PLCL1: variants seen among roughly 807,000 people sequenced by gnomAD.
The protein encoded by PLCL1 is phospholipase C like 1 (inactive), also known as inactive phospholipase C-like protein 1.
PLCL1 carries 41 observed loss-of-function variants against 84.4 expected under a neutral mutation model. The ratio of observed to expected loss-of-function variants is 0.49; its 90% confidence interval spans 0.38 to 0.63. The LOEUF (loss-of-function observed/expected upper bound fraction) is 0.63. Among genes scored for constraint, PLCL1 ranks in the 30% least tolerant of loss-of-function variants. The probability of loss-of-function intolerance (pLI) is 0.00; values close to 1 mark genes in which losing one functional copy is unlikely to be tolerated. For synonymous variants in PLCL1, 490 were observed against 488.3 expected, an observed-to-expected ratio of 1.00 and a Z score of -0.05; for missense variants, 1,206 against 1,367.8, an observed-to-expected ratio of 0.88 and a Z score of 1.87.
chr2:197,897,146 T>C (rs1031994091), intron 1 of PLCL1, among the ~76,000 whole-genome samples: 58 of 31,402 alleles, frequency 1.8e-3, no homozygotes, highest in African/African-American at 7.5e-3. Flanking sequence ...TTCTTCTTCT[T>C]CTTCTTCTTC....
At chr2:198,048,050 A>T (rs1691847665) in intron 1 of PLCL1, among the ~76,000 whole-genome samples, 1 of 152,214 alleles carries the variant, frequency 6.6e-6, no homozygotes, top group Non-Finnish European at 1.5e-5. Flanking sequence ...GGTGGCCTGG[A>T]CTAACTGGGA....
At chr2:198,078,307 G>A (rs1184431760) in intron 1 of PLCL1, among the ~76,000 whole-genome samples, 1 of 152,168 alleles carries the variant, frequency 6.6e-6, no homozygotes, top group African/African-American at 2.4e-5. Flanking sequence ...CAAGGTTGGA[G>A]TTATCTGGAT....
chr2:197,987,779 T>A (rs1388667373), intron 1 of PLCL1, among the ~76,000 whole-genome samples: 1 of 152,242 alleles, frequency 6.6e-6, no homozygotes, highest in Admixed American at 6.5e-5. Flanking sequence ...GAGGGTCTGC[T>A]ATATATTTTA....
At chr2:197,961,238 GGAGAGAGA>G (rs60411488) in intron 1 of PLCL1, among the ~76,000 whole-genome samples, 156 of 146,046 alleles carry the variant, frequency 1.1e-3, no homozygotes, top group Admixed American at 4.2e-3. Flanking sequence ...TTGGGAAGGT[GGAGAGAGA>G]GAGAGAGAGA....
chr2:198,070,553 T>G (rs1454661727), intron 1 of PLCL1, among the ~76,000 whole-genome samples: 1 of 152,048 alleles, frequency 6.6e-6, no homozygotes, highest in Non-Finnish European at 1.5e-5. Context: ...ACTAAAATAA[T>G]TTCCAAATCA....
intron 1 of PLCL1, among the ~76,000 whole-genome samples, chr2:197,906,414 G>T (rs761906760): frequency 7.3e-5 from 11 of 151,428 alleles, no homozygotes; most frequent in Non-Finnish European, 1.3e-4. Context: ...CTGTTCTATT[G>T]GTCTATATCT....
At chr2:198,011,442 T>C (rs764863018) in intron 1 of PLCL1, among the ~76,000 whole-genome samples, 1 of 152,114 alleles carries the variant, frequency 6.6e-6, no homozygotes, top group Non-Finnish European at 1.5e-5. Flanking sequence ...CTGCTATTGA[T>C]TTTTAGTTTT....
chr2:197,978,471 C>T (rs902957741), intron 1 of PLCL1, among the ~76,000 whole-genome samples: 4 of 152,080 alleles, frequency 2.6e-5, no homozygotes, highest in Non-Finnish European at 5.9e-5. Flanking sequence ...GAGGGAGACT[C>T]CGTCTCAAAA....
intron 1 of PLCL1, among the ~76,000 whole-genome samples, chr2:197,897,108 CTTCTTCTTCTTCTTCTTCTTCT>C (rs1688152338): frequency 5.4e-5 from 2 of 36,900 alleles, no homozygotes; most frequent in African/African-American, 3.2e-4. Context: ...CCTTCTTCTT[CTTCTTCTTCTTCTTCTTCTTCT>C]TCTTCTTCTT....
intron 3 of PLCL1, among the ~76,000 whole-genome samples, chr2:198,100,482 T>C (rs1403702563): frequency 1.3e-5 from 2 of 151,996 alleles, no homozygotes; most frequent in East Asian, 1.9e-4. Flanking sequence ...GTTTCCCTAA[T>C]AGAAAGAAAT....
intron 1 of PLCL1, among the ~76,000 whole-genome samples, chr2:197,828,202 A>G (rs1690974456): frequency 6.6e-6 from 1 of 152,030 alleles, no homozygotes; most frequent in Admixed American, 6.6e-5. Context: ...GTTTATATTA[A>G]TTATGTTTTA....
chr2:197,932,661 A>G (rs1204796522), intron 1 of PLCL1, among the ~76,000 whole-genome samples: 1 of 152,194 alleles, frequency 6.6e-6, no homozygotes, highest in Non-Finnish European at 1.5e-5. Context: ...TTGCATGTGT[A>G]TAGAAAGGCG....
At chr2:197,892,150 AATAC>A (rs1688042062) in intron 1 of PLCL1, among the ~76,000 whole-genome samples, 1 of 152,234 alleles carries the variant, frequency 6.6e-6, no homozygotes, top group Non-Finnish European at 1.5e-5. Context: ...AGAGCCAACC[AATAC>A]ATACATAACT....
chr2:198,034,198 A>G (rs371545521), intron 1 of PLCL1, among the ~76,000 whole-genome samples: 1 of 151,488 alleles, frequency 6.6e-6, no homozygotes, highest in African/African-American at 2.4e-5. Context: ...CCTGTGTCCA[A>G]GTGTTCTCAT....
intron 1 of PLCL1, among the ~76,000 whole-genome samples, chr2:197,846,294 G>A (rs1687120010): frequency 6.6e-6 from 1 of 152,008 alleles, no homozygotes; most frequent in African/African-American, 2.4e-5. Context: ...AATCAGGACT[G>A]GCAAATTAGA....
chr2:197,969,490 A>C (rs993462005), intron 1 of PLCL1, among the ~76,000 whole-genome samples: 1 of 152,008 alleles, frequency 6.6e-6, no homozygotes, highest in African/African-American at 2.4e-5. Flanking sequence ...CTCTCCCCTT[A>C]ACTCCCTAAG....
Position 197,805,106 on chromosome 2 carries a change from G to C in PLCL1, c.7G>C (p.Glu3Gln). 2 of 1,339,336 alleles carry C rather than the reference G, an allele frequency of 1.5e-6. No individual in the cohort carries two copies. Among genetic ancestry groups the C allele is most frequent in the Non-Finnish European group, 1.9e-6 (2 of 1,049,946 alleles). The allele number at this position is 1,339,336 out of a possible 1,614,324, so 83.0% of individuals were successfully genotyped here. Residue 3 changes from glutamate to glutamine, a missense_variant, in exon 1 of 6, where the codon GAG (glutamate) becomes CAG (glutamine). By Grantham distance (29) the Glu-to-Gln change is conservative. Coordinates refer to ENST00000428675, the MANE Select transcript of PLCL1 (RefSeq NM_006226.4). This position sits in a 1 kb window ranked among gnomAD's most constrained non-coding sequence, Gnocchi z 4.0. MA[E>Q]GAAGREDPAP... is the part of the protein sequence containing the mutation. ...GCCCTAAACGCTCCAGGCCATGGCC[G>C]AGGGCGCGGCCGGCAGGGAGGATCC... is the stretch of plus-strand genomic sequence containing the variant.
chr2:198,018,471 G>A (rs1691053446), intron 1 of PLCL1, among the ~76,000 whole-genome samples: 1 of 152,214 alleles, frequency 6.6e-6, no homozygotes, highest in Non-Finnish European at 1.5e-5. Context: ...ATCAAGCTGA[G>A]ATCCACTGGC....
intron 1 of PLCL1, among the ~76,000 whole-genome samples, chr2:197,832,508 T>C (rs1691088715): frequency 6.6e-6 from 1 of 152,080 alleles, no homozygotes. Context: ...AGGCAGTAAT[T>C]AATAACCTAC....
Sources: gnomAD v4.1 joint callset for allele counts (sites outside exome capture counted in the v4.1 genomes callset) on GRCh38, gnomAD v4.1.1 for gene constraint, Gnocchi (gnomAD v3.1) non-coding constraint, MANE v1.5 for transcripts, NCBI Gene and HGNC (gene_info 2026-07-23, HGNC 2026-07-21) for gene names.